The following AGBL1 variants were observed in gnomAD, a reference collection of about 807,000 sequenced individuals.
AGBL1 encodes the protein AGBL carboxypeptidase 1, also known as cytosolic carboxypeptidase 4.
A neutral mutation model predicts 118.9 loss-of-function variants in AGBL1; 130 were observed. The observed-to-expected ratio is 1.09, with a 90% CI of 0.95 to 1.26. The LOEUF is 1.26. Ranked by LOEUF, AGBL1 falls within the 50% of genes most tolerant of loss-of-function variation. The probability of loss-of-function intolerance (pLI) is 0.00; values close to 1 mark genes in which losing one functional copy is unlikely to be tolerated. For synonymous variants in AGBL1, 555 were observed against 478.9 expected, an observed-to-expected ratio of 1.16 and a Z score of -2.08; for missense variants, 1,584 against 1,298.1, an observed-to-expected ratio of 1.22 and a Z score of -3.38.
chr15:86,238,860 G>T (rs535656842), intron 6 of AGBL1, among the ~76,000 whole-genome samples: 44 of 152,100 alleles, frequency 2.9e-4, no homozygotes, highest in African/African-American at 1.0e-3. Flanking sequence ...TCACTCTGTT[G>T]TCCAGGCTGG....
intron 16 of AGBL1, among the ~76,000 whole-genome samples, chr15:86,291,533 C>T (rs186421698): frequency 1.9e-4 from 29 of 152,190 alleles, no homozygotes; most frequent in African/African-American, 4.8e-4. Flanking sequence ...ATTTACTTAT[C>T]CATAAGAAAG....
chr15:86,179,035 A>G (rs1656363478), intron 5 of AGBL1, among the ~76,000 whole-genome samples: 1 of 152,234 alleles, frequency 6.6e-6, no homozygotes, highest in Admixed American at 6.5e-5. Context: ...GATTATCTTG[A>G]GTAATGGGCC....
At chr15:86,110,534 G>A (rs1357075453) in intron 1 of AGBL1, among the ~76,000 whole-genome samples, 2 of 152,068 alleles carry the variant, frequency 1.3e-5, no homozygotes, top group Admixed American at 1.3e-4. Context: ...GGCGGGGTTG[G>A]TCTTGCTGTC....
chr15:86,561,828 A>C (rs533767675), intron 21 of AGBL1, among the ~76,000 whole-genome samples: 5 of 152,012 alleles, frequency 3.3e-5, no homozygotes, highest in South Asian at 2.1e-4. Context: ...CTTTTATTTC[A>C]TTGAGCAGTG....
intron 22 of AGBL1, among the ~76,000 whole-genome samples, chr15:86,702,656 T>C (rs1036974180): frequency 2.0e-5 from 3 of 152,154 alleles, no homozygotes; most frequent in African/African-American, 7.2e-5. Flanking sequence ...TTGTAACAAG[T>C]AGTACATTTC....
intron 19 of AGBL1, among the ~76,000 whole-genome samples, chr15:86,541,719 A>G (rs929549669): frequency 2.6e-5 from 4 of 152,010 alleles, no homozygotes; most frequent in Non-Finnish European, 5.9e-5. Context: ...TGAGGAGACT[A>G]GCTTTCCCCT....
intron 6 of AGBL1, 83 bp from the exon 7 acceptor site, chr15:86,247,588 T>G: frequency 7.5e-7 from 1 of 1,328,838 alleles, no homozygotes; most frequent in Non-Finnish European, 1.1e-6. Flanking sequence ...ATAAGTATCT[T>G]GTGGGAAATA....
intron 18 of AGBL1, among the ~76,000 whole-genome samples, chr15:86,473,903 A>C (rs2142107593): frequency 6.6e-6 from 1 of 152,266 alleles, no homozygotes; most frequent in South Asian, 2.1e-4. Context: ...TTTCCTTTGG[A>C]AAATTGTGTG....
intron 1 of AGBL1, among the ~76,000 whole-genome samples, chr15:86,123,130 T>G (rs1898190736): frequency 6.6e-6 from 1 of 152,196 alleles, no homozygotes; most frequent in Non-Finnish European, 1.5e-5. Context: ...CAGGAGAGAA[T>G]TAACTAAGAG....
intron 18 of AGBL1, among the ~76,000 whole-genome samples, chr15:86,417,819 C>T (rs956297551): frequency 1.3e-5 from 2 of 152,182 alleles, no homozygotes; most frequent in Admixed American, 6.5e-5. Context: ...TCCCGGATGA[C>T]CACCATTATT....
intron 4 of AGBL1, among the ~76,000 whole-genome samples, chr15:86,156,680 A>G (rs1343720285): frequency 6.6e-6 from 1 of 152,166 alleles, no homozygotes; most frequent in Non-Finnish European, 1.5e-5. Context: ...GTCTTTTGAA[A>G]TAGTAGAATG....
chr15:86,928,430 C>T (rs548884244), intron 23 of AGBL1, among the ~76,000 whole-genome samples: 1 of 152,140 alleles, frequency 6.6e-6, no homozygotes, highest in Non-Finnish European at 1.5e-5. Context: ...TGACAATGAA[C>T]CCGATTTTCT....
intron 22 of AGBL1, among the ~76,000 whole-genome samples, chr15:86,706,262 A>C (rs867027781): frequency 4.8e-4 from 73 of 152,236 alleles, no homozygotes; most frequent in African/African-American, 1.4e-3. Context: ...TAAAAACTTA[A>C]AAAATATTTT....
At chr15:86,519,617 CATAG>C (rs1219258471) in intron 18 of AGBL1, among the ~76,000 whole-genome samples, 3 of 152,168 alleles carry the variant, frequency 2.0e-5, no homozygotes, top group Admixed American at 6.5e-5. Context: ...CCTGCATTTG[CATAG>C]ATACAGGGAC....
chr15:86,264,910 C>T (rs2079049693), intron 11 of AGBL1, 72 bp downstream of exon 11: 2 of 1,323,836 alleles, frequency 1.5e-6, no homozygotes, highest in Non-Finnish European at 2.1e-6. Context: ...ATGGTTTGTA[C>T]AGATAATTCT....
intron 6 of AGBL1, among the ~76,000 whole-genome samples, chr15:86,235,012 T>G (rs1026344311): frequency 1.3e-5 from 2 of 152,190 alleles, no homozygotes; most frequent in African/African-American, 4.8e-5. Context: ...ATAGTAAATA[T>G]TTTACGGTTT....
intron 5 of AGBL1, among the ~76,000 whole-genome samples, chr15:86,206,671 T>G (rs995482114): frequency 6.6e-6 from 1 of 152,238 alleles, no homozygotes; most frequent in African/African-American, 2.4e-5. Context: ...TTTGATTTTT[T>G]CCTTGTAAAT....
intron 22 of AGBL1, among the ~76,000 whole-genome samples, chr15:86,897,919 C>T (rs1330411191): frequency 2.6e-5 from 4 of 151,548 alleles, no homozygotes; most frequent in Admixed American, 6.6e-5. Context: ...ACTACAGGCA[C>T]GTGCCACCAT....
chr15:86,345,293 T>TG (rs781402617), intron 17 of AGBL1, among the ~76,000 whole-genome samples: 7 of 152,098 alleles, frequency 4.6e-5, no homozygotes, highest in African/African-American at 1.7e-4. Context: ...TTCAGGAGAC[T>TG]CTGCTGCTGC....
Sources: gnomAD v4.1 joint callset for allele counts (sites outside exome capture counted in the v4.1 genomes callset) on GRCh38, gnomAD v4.1.1 for gene constraint, MANE v1.5 for transcripts, NCBI Gene and HGNC (gene_info 2026-07-23, HGNC 2026-07-21) for gene names.